ITGA9: variants seen among roughly 807,000 people sequenced by gnomAD.
ITGA9 encodes the protein integrin subunit alpha 9.
In ITGA9, 56 loss-of-function variants were observed where a neutral mutation model predicts 127.8. The ratio of observed to expected loss-of-function variants is 0.44; its 90% confidence interval spans 0.35 to 0.55. The LOEUF is 0.55. ITGA9 is among the 20% of genes least tolerant of loss of function. The probability of loss-of-function intolerance (pLI) is 0.00; values close to 1 mark genes in which losing one functional copy is unlikely to be tolerated. For missense variants in ITGA9, 1,196 were observed against 1,347.1 expected (o/e 0.89, Z 1.76); for synonymous variants, 508 against 514.5 (o/e 0.99, Z 0.17).
rs771232485 is a variant in ITGA9, at chr3:37,513,791, G to A, written c.926G>A (p.Cys309Tyr). Residue 309 changes from cysteine (C) to tyrosine (Y), a missense_variant, in exon 9 of 28, where the codon TGC becomes TAC. Coordinates refer to ENST00000264741, the MANE Select transcript of ITGA9 (RefSeq NM_002207.3). ...GGCTCTTACTTCGGCTCCTCCTTGT[G>A]CGCAGTTGACCTGAATGGGGACGGC... Reference protein sequence around the residue: ...KMGSYFGSSLCAVDLNGDGLS... With the variant: ...KMGSYFGSSLYAVDLNGDGLS... 2.5e-6 allele frequency: 4 copies of A among 1,614,112 alleles called. No individual in the cohort carries two copies. Among genetic ancestry groups the A allele is most frequent in the Non-Finnish European group, 8.5e-7 (1 of 1,180,040 alleles).
chr3:37,750,458 A>T lies in ITGA9; in HGVS notation c.2434-4A>T, dbSNP rs746957194. ...GACTTGCTGTGTGTGTTCCACACCC[A>T]CAGGTCTACAACACTGGCCCAAGCA... On this transcript the variant is annotated splice_polypyrimidine_tract_variant and splice_region_variant and intron_variant, in intron 22 of 27. Coordinates refer to ENST00000264741, the MANE Select transcript of ITGA9 (RefSeq NM_002207.3). 6.3e-7 allele frequency: 1 copy of T among 1,575,348 alleles called. No homozygotes were observed. The highest frequency in any genetic ancestry group is 1.7e-4 in the Middle Eastern group (1 of 6,008).
At chr3:37,537,606 G>T (rs546466715) in intron 14 of ITGA9, among the ~76,000 whole-genome samples, 5 of 152,160 alleles carry the variant, frequency 3.3e-5, no homozygotes, top group Non-Finnish European at 7.4e-5. Flanking sequence ...CTTATCCTGG[G>T]GCACGGAGCA....
At chr3:37,625,643 G>A (rs1316091954) in intron 15 of ITGA9, among the ~76,000 whole-genome samples, 2 of 152,120 alleles carry the variant, frequency 1.3e-5, no homozygotes, top group African/African-American at 4.8e-5. Context: ...AGCGACTATG[G>A]TCTGTGCCAG....
intron 17 of ITGA9, among the ~76,000 whole-genome samples, chr3:37,666,401 A>T (rs1440461233): frequency 6.6e-6 from 1 of 152,182 alleles, no homozygotes; most frequent in Non-Finnish European, 1.5e-5. Context: ...TAAACCAGCC[A>T]CCATTTGTTT....
intron 3 of ITGA9, among the ~76,000 whole-genome samples, chr3:37,480,037 C>T (rs1169847717): frequency 6.6e-6 from 1 of 152,062 alleles, no homozygotes; most frequent in Non-Finnish European, 1.5e-5. Context: ...CATTCACTGG[C>T]TGGGGTGAAG....
At chr3:37,812,933 A>C (rs974558359) in intron 27 of ITGA9, among the ~76,000 whole-genome samples, 2 of 152,268 alleles carry the variant, frequency 1.3e-5, no homozygotes, top group African/African-American at 4.8e-5. Flanking sequence ...GGGTGGGCTC[A>C]GCTGGCAACA....
intron 1 of ITGA9, among the ~76,000 whole-genome samples, chr3:37,456,840 C>T (rs1352114565): frequency 1.3e-5 from 2 of 152,162 alleles, no homozygotes; most frequent in Non-Finnish European, 2.9e-5. Context: ...GATGTAGTCA[C>T]CACTAGCCAG....
At chr3:37,818,251 C>A (rs2507949) in intron 27 of ITGA9, 13 of 57,026 alleles carry the variant, frequency 2.3e-4, no homozygotes, top group South Asian at 1.5e-3. Context: ...ACCATGAAAC[C>A]TTTTTTTTTT....
chr3:37,558,978 C>T lies in ITGA9; in HGVS notation c.1689+16393C>T, dbSNP rs138849361. 2.9e-3 allele frequency among the ~76,000 whole-genome samples: 440 copies of T among 152,176 alleles called. 1 individual carries two copies. The highest frequency in any genetic ancestry group is 9.9e-3 in the African/African-American group (410 of 41,448). ...CTGAGCTGTCTTAGCACCTTCTTTC[C>T]ACCTGTATTTGTGTTACTTGGATAT... On this transcript the variant is annotated intron_variant, in intron 15 of 27. Transcript: ENST00000264741.
chr3:37,692,294 G>C (rs1302475035), intron 18 of ITGA9, among the ~76,000 whole-genome samples: 1 of 152,126 alleles, frequency 6.6e-6, no homozygotes, highest in Non-Finnish European at 1.5e-5. Context: ...TGCTGAGGGG[G>C]AAGAGGAAAA....
chr3:37,797,003 A>G (rs988018113), intron 26 of ITGA9, among the ~76,000 whole-genome samples: 1 of 152,150 alleles, frequency 6.6e-6, no homozygotes, highest in African/African-American at 2.4e-5. Context: ...GAGTTTGTTC[A>G]GTGCAGCTGA....
intron 20 of ITGA9, among the ~76,000 whole-genome samples, chr3:37,738,719 C>G (rs1194371885): frequency 2.0e-5 from 3 of 152,202 alleles, no homozygotes; most frequent in Non-Finnish European, 4.4e-5. Context: ...AATGTGCTCT[C>G]TTGGTCCTTC....
At chr3:37,622,105 C>A (rs1700133742) in intron 15 of ITGA9, among the ~76,000 whole-genome samples, 1 of 147,708 alleles carries the variant, frequency 6.8e-6, no homozygotes, top group Non-Finnish European at 1.5e-5. Flanking sequence ...GAATTTTCTT[C>A]TTTGGCTTTA....
At position 37,777,665 on chromosome 3, in the gene ITGA9, G is replaced by A. The variant is rs143550478; in HGVS notation, c.2667+148G>A. The A allele has an allele frequency of 4.1e-3, 3,598 of 869,192 alleles. 32 individuals are homozygous for A. Among genetic ancestry groups the A allele is most frequent in the Middle Eastern group, 0.034 (97 of 2,868 alleles). The allele number at this position is 869,192 out of a possible 1,614,324, so 53.8% of individuals were successfully genotyped here. ...GACTGTGGTCAACTCCTAATTTTCAGTCTGAGGTTTCAATCAAAATGTTAA... is the reference window on the plus strand; with the variant it reads ...GACTGTGGTCAACTCCTAATTTTCAATCTGAGGTTTCAATCAAAATGTTAA... On this transcript the variant is annotated intron_variant, in intron 24 of 27. Transcript: ENST00000264741.
At chr3:37,525,212 G>T (rs1699081897) in intron 12 of ITGA9, among the ~76,000 whole-genome samples, 1 of 152,078 alleles carries the variant, frequency 6.6e-6, no homozygotes, top group South Asian at 2.1e-4. Flanking sequence ...AGTTATTTAG[G>T]AATAAACATT....
rs761282892 is a variant in ITGA9, at chr3:37,505,984, C to T, written c.743-16C>T. On this transcript the variant is annotated splice_polypyrimidine_tract_variant and intron_variant, in intron 6 of 27. Transcript: ENST00000264741. ...CTTTTTCAACCGTGTGCTTGGTTTC[C>T]GCCCATCCTGTTCAGGCTACGCAGT... 23 of 1,580,146 alleles carry T rather than the reference C, an allele frequency of 1.5e-5. No individual in the cohort carries two copies. Among genetic ancestry groups the T allele is most frequent in the South Asian group, 4.6e-5 (4 of 87,200 alleles).
chr3:37,803,804 C>G lies in ITGA9; in HGVS notation c.2890-19C>G, dbSNP rs1697262229. 1 of 1,613,914 alleles carries G rather than the reference C, an allele frequency of 6.2e-7. No homozygotes were observed. Among genetic ancestry groups the G allele is most frequent in the Non-Finnish European group, 8.5e-7 (1 of 1,179,900 alleles). On this transcript the variant is annotated intron_variant, in intron 26 of 27. Coordinates refer to ENST00000264741, the MANE Select transcript of ITGA9 (RefSeq NM_002207.3). ...AAAAATAAAAAAGGAAATGTTTTCA[C>G]TGTTGCGTTGCCTCCTAGGTGGTCT...
chr3:37,696,915 A>T (rs1174268421), intron 18 of ITGA9, among the ~76,000 whole-genome samples: 1 of 152,220 alleles, frequency 6.6e-6, no homozygotes, highest in African/African-American at 2.4e-5. Context: ...CTCAGGCCGC[A>T]GCCCTCCGGG....
chr3:37,626,135 A>G (rs1408199287), intron 15 of ITGA9, among the ~76,000 whole-genome samples: 3 of 152,082 alleles, frequency 2.0e-5, no homozygotes, highest in African/African-American at 7.2e-5. Flanking sequence ...ATTATTTGTC[A>G]CTTATTCCCA....
Sources: gnomAD v4.1 joint callset for allele counts (sites outside exome capture counted in the v4.1 genomes callset) on GRCh38, gnomAD v4.1.1 for gene constraint, MANE v1.5 for transcripts, NCBI Gene and HGNC (gene_info 2026-07-23, HGNC 2026-07-21) for gene names.